The following JPH2 variants were observed in gnomAD, a reference collection of about 807,000 sequenced individuals.
JPH2 encodes the protein junctophilin 2.
A neutral mutation model predicts 55.9 loss-of-function variants in JPH2; 38 were observed. That is an observed-to-expected ratio of 0.68 (90% CI 0.52 to 0.89). JPH2 has a LOEUF of 0.89. Ranked by LOEUF, JPH2 falls within the 40% of genes least tolerant of loss-of-function variation. The probability of loss-of-function intolerance (pLI) is 0.00; values close to 1 mark genes in which losing one functional copy is unlikely to be tolerated. For synonymous variants in JPH2, 480 were observed against 472.4 expected, an observed-to-expected ratio of 1.02 and a Z score of -0.21; for missense variants, 964 against 1,037.6, an observed-to-expected ratio of 0.93 and a Z score of 0.97.
rs2072112121 is a variant in JPH2, at chr20:44,106,844, G to A, written c.*6674C>T. On this transcript the variant is annotated 3_prime_UTR_variant, in exon 6 of 6. Coordinates refer to ENST00000372980, the MANE Select transcript of JPH2 (RefSeq NM_020433.5). ...CACTGGGTCCCTCCCACAACGTGTG[G>A]GTGGGAATTTAAGATGAGATTTGGG... Among the ~76,000 whole-genome samples, 1 of 152,120 alleles carries A rather than the reference G, an allele frequency of 6.6e-6. No homozygotes were observed. Among genetic ancestry groups the A allele is most frequent in the South Asian group, 2.1e-4 (1 of 4,818 alleles).
At chr20:44,140,827 G>A (rs2072451551) in intron 2 of JPH2, among the ~76,000 whole-genome samples, 2 of 152,120 alleles carry the variant, frequency 1.3e-5, no homozygotes, top group Admixed American at 1.3e-4. Context: ...GTGGTGTACA[G>A]TATTTACACA....
At position 44,186,882 on chromosome 20, in the gene JPH2, C is replaced by A; in HGVS notation, c.-177G>T. 1.5e-6 allele frequency: 1 copy of A among 654,084 alleles called. No homozygotes were observed. Among genetic ancestry groups the A allele is most frequent in the Non-Finnish European group, 2.6e-6 (1 of 383,312 alleles). 40.5% of individuals were successfully genotyped at this position (654,084 alleles called of 1,614,324 possible). ...TGAAAGAGCCCCGGCGCCAAGTCAG[C>A]ACCGGGTCGGCTAGTCAGTGCCATG... On this transcript the variant is annotated 5_prime_UTR_variant, in exon 1 of 6. Transcript: ENST00000372980.
At chr20:44,164,054 CA>C (rs1266214901) in intron 1 of JPH2, among the ~76,000 whole-genome samples, 3 of 152,160 alleles carry the variant, frequency 2.0e-5, no homozygotes. Context: ...GGTTGATGTT[CA>C]GAGAAGTTAT....
intron 2 of JPH2, among the ~76,000 whole-genome samples, chr20:44,138,306 C>T (rs548349839): frequency 2.0e-5 from 3 of 151,474 alleles, no homozygotes; most frequent in Admixed American, 6.6e-5. Context: ...GCTGGGATTA[C>T]AGGCGTGAGC....
At chr20:44,176,113 T>C (rs1259325311) in intron 1 of JPH2, among the ~76,000 whole-genome samples, 1 of 152,108 alleles carries the variant, frequency 6.6e-6, no homozygotes, top group Non-Finnish European at 1.5e-5. Flanking sequence ...AGTCTATAAG[T>C]TTTGCTTCAA....
chr20:44,115,691 C>A lies in JPH2; in HGVS notation c.1984G>T (p.Ala662Ser), dbSNP rs1355406064. Residue 662 changes from alanine (A) to serine (S), a missense_variant, in exon 4 of 6, where the codon GCA becomes TCA. Physicochemically the swap from Ala to Ser is moderately conservative, Grantham distance 99. Coordinates refer to ENST00000372980, the MANE Select transcript of JPH2 (RefSeq NM_020433.5). ...TCTTCCACCTCCACCTCCGCCTCTG[C>A]CGCCAGTGCGGCCTCCTTCCGCGCC... ...KKARKEAALA[A>S]EAEVEVEEVP... 1 of 1,613,014 alleles carries A rather than the reference C, an allele frequency of 6.2e-7. No homozygotes were observed. The highest frequency in any genetic ancestry group is 8.5e-7 in the Non-Finnish European group (1 of 1,180,040).
At chr20:44,153,837 C>T (rs372757243) in intron 2 of JPH2, among the ~76,000 whole-genome samples, 14 of 152,218 alleles carry the variant, frequency 9.2e-5, no homozygotes, top group South Asian at 8.3e-4. Context: ...TGAGGTCTGG[C>T]GGGAAGAAAA....
chr20:44,129,564 A>AAC (rs1555854962), intron 2 of JPH2, among the ~76,000 whole-genome samples: 1,490 of 141,120 alleles, frequency 0.011, 23 homozygotes, highest in African/African-American at 0.02. Context: ...AAAAAAAAAA[A>AAC]AAAAACAAAA....
At chr20:44,178,596 CTTT>C (rs2072754535) in intron 1 of JPH2, among the ~76,000 whole-genome samples, 11 of 81,474 alleles carry the variant, frequency 1.4e-4, no homozygotes, top group Middle Eastern at 0.014. Context: ...GTTTTCTTTT[CTTT>C]GTTTGTTTTG....
At chr20:44,176,243 C>T (rs79529120) in intron 1 of JPH2, among the ~76,000 whole-genome samples, 1 of 152,060 alleles carries the variant, frequency 6.6e-6, no homozygotes, top group Admixed American at 6.6e-5. Flanking sequence ...TCACCTAATA[C>T]CTATTTTCCC....
intron 1 of JPH2, among the ~76,000 whole-genome samples, chr20:44,185,074 G>GCTTGAGC (rs2072821310): frequency 3.3e-5 from 5 of 152,174 alleles, no homozygotes; most frequent in Non-Finnish European, 5.9e-5. Flanking sequence ...CGGAGTCCAA[G>GCTTGAGC]AATTGCTTGA....
chr20:44,160,227 C>CCGT lies in JPH2; in HGVS notation c.557_559dup (p.Asp186dup). On this transcript the variant is annotated inframe_insertion, in exon 2 of 6. Transcript: ENST00000372980. This position sits in a 1 kb window ranked among gnomAD's most constrained non-coding sequence, Gnocchi z 4.9. ...GATGGCGGGCGAGGGCAGCGCGGGG[C>CCGT]CGTCGGAGGCCGGCGAGGCGGGAGA... is the stretch of plus-strand genomic sequence containing the variant. The CCGT allele has an allele frequency of 6.7e-7, 1 of 1,485,460 alleles. No individual in the cohort carries two copies. Among genetic ancestry groups the CCGT allele is most frequent in the Non-Finnish European group, 8.9e-7 (1 of 1,123,574 alleles). The allele number at this position is 1,485,460 out of a possible 1,614,324, so 92.0% of individuals were successfully genotyped here. A position where few individuals can be genotyped will look rare whatever the true frequency, so the allele number is the denominator to read the frequency against.
chr20:44,117,051 C>T (rs1178024204), intron 3 of JPH2, among the ~76,000 whole-genome samples: 2 of 152,214 alleles, frequency 1.3e-5, no homozygotes, highest in Admixed American at 6.5e-5. Flanking sequence ...GAGGCCGAGG[C>T]GCGCGGATCA....
At chr20:44,134,719 T>C (rs867360803) in intron 2 of JPH2, among the ~76,000 whole-genome samples, 1 of 58,174 alleles carries the variant, frequency 1.7e-5, no homozygotes, top group Non-Finnish European at 2.9e-5. Context: ...ATATTATAAA[T>C]ATATATTTAT....
chr20:44,136,345 G>A (rs1050507936), intron 2 of JPH2, among the ~76,000 whole-genome samples: 4 of 152,056 alleles, frequency 2.6e-5, no homozygotes, highest in Admixed American at 2.6e-4. Context: ...TCCTGCAGGG[G>A]GACGAAGTCT....
At chr20:44,127,926 A>T (rs2072289243) in intron 2 of JPH2, among the ~76,000 whole-genome samples, 1 of 152,206 alleles carries the variant, frequency 6.6e-6, no homozygotes, top group Non-Finnish European at 1.5e-5. Context: ...TTCTTAGGAT[A>T]AATGTCTATC....
rs2072118483 is a variant in JPH2 at position 44,108,050 on chromosome 20, T to C, written c.*5468A>G. Among the ~76,000 whole-genome samples the C allele has an allele frequency of 2.0e-5, 3 of 152,024 alleles. No homozygotes were observed. On this transcript the variant is annotated 3_prime_UTR_variant, in exon 6 of 6. Transcript: ENST00000372980. Reference sequence around the variant, plus strand: ...ATGTGATGTCAGCCTGACCTTTGGGTGTGGGGAGGGGTATGGAGGTTAAGT... The same window carrying C: ...ATGTGATGTCAGCCTGACCTTTGGGCGTGGGGAGGGGTATGGAGGTTAAGT...
In JPH2 at chr20:44,186,674, C is replaced by G; in HGVS notation, c.32G>C (p.Gly11Ala). MSGGRFDFDD[G>A]GAYCGGWEGG... is the part of the protein sequence containing the mutation. ...CTCCCAGCCCCCGCAGTACGCCCCTCCATCATCAAAGTCGAAGCGGCCCCC... is the reference window on the plus strand; with the variant it reads ...CTCCCAGCCCCCGCAGTACGCCCCTGCATCATCAAAGTCGAAGCGGCCCCC... Residue 11 changes from glycine (G) to alanine (A), a missense_variant, in exon 1 of 6, where the codon GGA (glycine) becomes GCA (alanine). Gly to Ala is a moderately conservative substitution (Grantham distance 60). Transcript: ENST00000372980. The G allele has an allele frequency of 1.9e-6, 3 of 1,602,458 alleles. No individual in the cohort carries two copies. The highest frequency in any genetic ancestry group is 2.5e-6 in the Non-Finnish European group (3 of 1,179,120).
At chr20:44,166,431 A>G (rs1418465992) in intron 1 of JPH2, among the ~76,000 whole-genome samples, 1 of 152,224 alleles carries the variant, frequency 6.6e-6, no homozygotes, top group South Asian at 2.1e-4. Context: ...CAAGACATCT[A>G]ATCTCTGGGT....
Sources: allele counts gnomAD v4.1 joint callset (sites outside exome capture counted in the v4.1 genomes callset), GRCh38; gene constraint gnomAD v4.1.1; non-coding constraint Gnocchi (gnomAD v3.1); transcripts MANE v1.5; gene names NCBI Gene and HGNC (gene_info 2026-07-23, HGNC 2026-07-21).